The following ST3GAL2 variants were observed in gnomAD, a reference collection of about 807,000 sequenced individuals.
ST3GAL2 encodes ST3 beta-galactoside alpha-2,3-sialyltransferase 2.
In ST3GAL2, 16 loss-of-function variants were observed where a neutral mutation model predicts 37.5. The observed-to-expected ratio is 0.43, with a 90% confidence interval of 0.29 to 0.65. ST3GAL2 has a LOEUF of 0.65. Among genes scored for constraint, ST3GAL2 ranks in the 30% least tolerant of loss-of-function variants. The pLI, the probability that ST3GAL2 is intolerant of heterozygous loss-of-function variation, is 0.17. For missense variants in ST3GAL2, 383 were observed against 487.8 expected (o/e 0.79, Z 2.02); for synonymous variants, 238 against 202.9 (o/e 1.17, Z -1.47).
At position 70,425,836 on chromosome 16, in the gene ST3GAL2, T is replaced by C. The variant is rs1283753006; in HGVS notation, c.-1004+13113A>G. On this transcript the variant is annotated intron_variant, in intron 1 of 6. Transcript: ENST00000342907. The stretch of plus-strand genomic sequence containing the variant: ...GCTCAGAGGCCCACAAGGGCAGAAG[T>C]GGTCCGGGTACTGACGTTCAGGGAT... Among the ~76,000 whole-genome samples, 4 of 152,182 alleles carry C rather than the reference T, an allele frequency of 2.6e-5. No homozygotes were observed. In the East Asian group the frequency reaches 5.8e-4, roughly 22 times the overall value.
chr16:70,388,390 G>A lies in ST3GAL2; in HGVS notation c.690C>T (p.Ala230=), dbSNP rs1201100969. The change falls in exon 4 of 7, where the codon GCC becomes GCT. Residue 230 remains alanine, a synonymous_variant. Transcript: ENST00000342907. The part of the protein sequence containing the change: ...KVLDLLWIAS[A]LSTGQIRFTY... ...ACAATCGGATCTGCCCCGTGGACAA[G>A]GCGCTGGCGATCCACAGAAGGTCCA... 7 of 1,614,074 alleles carry A rather than the reference G, an allele frequency of 4.3e-6. No homozygotes were observed. The highest frequency in any genetic ancestry group is 3.3e-4 in the Middle Eastern group (2 of 6,084).
At chr16:70,423,443 G>C (rs1020893227) in intron 1 of ST3GAL2, among the ~76,000 whole-genome samples, 1 of 152,134 alleles carries the variant, frequency 6.6e-6, no homozygotes, top group East Asian at 1.9e-4. Context: ...CTGGGAGGCG[G>C]AGGCTGCAAT....
At chr16:70,408,908 AAAAAAAAAAAAAAAAAAAAGAAAG>A (rs2047614485) in intron 1 of ST3GAL2, among the ~76,000 whole-genome samples, 2 of 114,912 alleles carry the variant, frequency 1.7e-5, no homozygotes, top group Non-Finnish European at 3.2e-5. Context: ...AAAAAAAAAA[AAAAAAAAAAAAAAAAAAAAGAAAG>A]AAAAAATAAA....
Position 70,381,683 on chromosome 16 carries a change from C to A in ST3GAL2, c.*6G>T. 1 of 1,612,544 alleles carries A rather than the reference C, an allele frequency of 6.2e-7. No homozygotes were observed. Among genetic ancestry groups the A allele is most frequent in the South Asian group, 1.1e-5 (1 of 91,044 alleles). ...ATGGGCCGGAAGGGTCGCGGCGAGG[C>A]CCGGCTCAGTTGCCCCGGTAGACTT... On this transcript the variant is annotated 3_prime_UTR_variant, in exon 7 of 7. Coordinates refer to ENST00000342907, the MANE Select transcript of ST3GAL2 (RefSeq NM_006927.4).
At chr16:70,404,002 AAAAG>A (rs1457380299) in intron 1 of ST3GAL2, among the ~76,000 whole-genome samples, 2 of 152,170 alleles carry the variant, frequency 1.3e-5, no homozygotes, top group Non-Finnish European at 2.9e-5. Context: ...CTCGAAAAAA[AAAAG>A]AAAGTTTTTT....
At position 70,398,579 on chromosome 16, in the gene ST3GAL2, C is replaced by G. The variant is rs769683915; in HGVS notation, c.-49G>C. Reference sequence around the variant, plus strand: ...CACCGTGGCCACTCTTTTCCCAGCCCGCTGAGGGGCCAGCCACGGCGTAGC... The same window carrying G: ...CACCGTGGCCACTCTTTTCCCAGCCGGCTGAGGGGCCAGCCACGGCGTAGC... On this transcript the variant is annotated 5_prime_UTR_variant, in exon 2 of 7. Transcript: ENST00000342907. The G allele has an allele frequency of 6.6e-7, 1 of 1,510,402 alleles. No individual in the cohort carries two copies. The highest frequency in any genetic ancestry group is 1.4e-5 in the African/African-American group (1 of 72,720). 93.6% of individuals were successfully genotyped at this position (1,510,402 alleles called of 1,614,324 possible).
At chr16:70,415,490 T>C (rs2047670182) in intron 1 of ST3GAL2, among the ~76,000 whole-genome samples, 1 of 152,130 alleles carries the variant, frequency 6.6e-6, no homozygotes. Flanking sequence ...GAGAAGATAT[T>C]CGTAAAGTTA....
intron 1 of ST3GAL2, among the ~76,000 whole-genome samples, chr16:70,418,926 CG>C (rs979887183): frequency 1.3e-5 from 2 of 152,126 alleles, no homozygotes; most frequent in African/African-American, 4.8e-5. Context: ...GGAACAACCC[CG>C]AGCAAGGGCA....
chr16:70,423,963 CG>C (rs952019976), intron 1 of ST3GAL2, among the ~76,000 whole-genome samples: 1 of 151,458 alleles, frequency 6.6e-6, no homozygotes, highest in Admixed American at 6.6e-5. Context: ...GAGGCTGAGG[CG>C]GGAAAATGGC....
At chr16:70,388,893 AT>A (rs2047461358) in intron 3 of ST3GAL2, among the ~76,000 whole-genome samples, 1 of 149,122 alleles carries the variant, frequency 6.7e-6, no homozygotes, top group Admixed American at 6.7e-5. Context: ...GCAAAACCCC[AT>A]CTTTACTAAA....
intron 1 of ST3GAL2, among the ~76,000 whole-genome samples, chr16:70,436,201 G>T (rs964767816): frequency 1.3e-5 from 2 of 152,082 alleles, no homozygotes; most frequent in East Asian, 1.9e-4. Context: ...GCCAAGGCGG[G>T]CGGATCACCT....
chr16:70,437,287 C>T (rs2047831726), intron 1 of ST3GAL2, among the ~76,000 whole-genome samples: 1 of 152,208 alleles, frequency 6.6e-6, no homozygotes, highest in Non-Finnish European at 1.5e-5. Context: ...TCCCTTCCTC[C>T]ATTCTCAAGT....
At chr16:70,408,043 A>G (rs2047605722) in intron 1 of ST3GAL2, among the ~76,000 whole-genome samples, 1 of 152,088 alleles carries the variant, frequency 6.6e-6, no homozygotes, top group Non-Finnish European at 1.5e-5. Context: ...ACGTGTCCCA[A>G]AGCTCATTCT....
Position 70,377,208 on chromosome 16 carries a change from C to G in ST3GAL2, c.*4481G>C, listed in dbSNP as rs72790691. ...AAAAAAAAAAAAAAAAAAAAAGGGT[C>G]TGGTGGCTCACGCCTGTAATCCTAC... On this transcript the variant is annotated 3_prime_UTR_variant, in exon 7 of 7. Transcript: ENST00000342907. 0.58 allele frequency: 79,452 copies of G among 138,120 alleles called. 23,977 individuals carry two copies. The highest frequency in any genetic ancestry group is 0.78 in the African/African-American group (28,340 of 36,208). The allele number at this position is 138,120 out of a possible 1,614,324, so 8.6% of individuals were successfully genotyped here. A position where few individuals can be genotyped will look rare whatever the true frequency, so the allele number is the denominator to read the frequency against.
intron 4 of ST3GAL2, among the ~76,000 whole-genome samples, chr16:70,386,655 T>A (rs1597555737): frequency 6.6e-6 from 1 of 151,786 alleles, no homozygotes; most frequent in Non-Finnish European, 1.5e-5. Flanking sequence ...TTATTTTTTA[T>A]TTTTTTTGAG....
chr16:70,415,654 G>A (rs566802305), intron 1 of ST3GAL2, among the ~76,000 whole-genome samples: 1 of 151,366 alleles, frequency 6.6e-6, no homozygotes, highest in African/African-American at 2.4e-5. Flanking sequence ...GTTTCACCAT[G>A]TTGGCTAGGC....
At chr16:70,401,972 C>A (rs959674162) in intron 1 of ST3GAL2, among the ~76,000 whole-genome samples, 1 of 124,734 alleles carries the variant, frequency 8.0e-6, no homozygotes, top group Non-Finnish European at 1.6e-5. Context: ...CCAGCCTGGG[C>A]GACAAGAGCA....
At position 70,388,360 on chromosome 16, in the gene ST3GAL2, A is replaced by G. The variant is rs7199655; in HGVS notation, c.713+7T>C. 28,039 of 1,613,942 alleles carry G rather than the reference A, an allele frequency of 0.017. 4,129 individuals are homozygous for G. The African/African-American group carries it at 0.32, about 19-fold the overall frequency. On this transcript the variant is annotated splice_region_variant and intron_variant, in intron 4 of 6. Transcript: ENST00000342907. ...CCATATTCTACCCAGGCCAGCAAGA[A>G]GCTCACAATCGGATCTGCCCCGTGG...
Position 70,377,362 on chromosome 16 carries a change from C to G in ST3GAL2, c.*4327G>C, listed in dbSNP as rs941126289. ...GGGCGTGGTAGTGCATGCCTGTAATCCCAGCTACTCAGGAGGCTGAGACAG... is the reference window on the plus strand; with the variant it reads ...GGGCGTGGTAGTGCATGCCTGTAATGCCAGCTACTCAGGAGGCTGAGACAG... On this transcript the variant is annotated 3_prime_UTR_variant, in exon 7 of 7. Transcript: ENST00000342907. The G allele has an allele frequency of 6.7e-6, 1 of 149,680 alleles. No individual in the cohort carries two copies. Among genetic ancestry groups the G allele is most frequent in the Non-Finnish European group, 1.5e-5 (1 of 67,642 alleles). The allele number at this position is 149,680 out of a possible 1,614,324, so 9.3% of individuals were successfully genotyped here.
Sources: allele counts gnomAD v4.1 joint callset (sites outside exome capture counted in the v4.1 genomes callset), GRCh38; gene constraint gnomAD v4.1.1; transcripts MANE v1.5; gene names NCBI Gene and HGNC (gene_info 2026-07-23, HGNC 2026-07-21).